The following PIWIL3 variants were observed in gnomAD, a reference collection of about 807,000 sequenced individuals.
The protein encoded by PIWIL3 is piwi-like protein 3.
Under a neutral mutation model 109.7 loss-of-function variants are expected in PIWIL3, and 101 were observed. That is an observed-to-expected ratio of 0.92 (90% CI 0.78 to 1.09). The LOEUF (loss-of-function observed/expected upper bound fraction) is 1.09. PIWIL3 is among the 50% of genes least tolerant of loss of function. The pLI is 0.00. For synonymous variants in PIWIL3, 373 were observed against 376.4 expected (o/e 0.99, Z 0.10); for missense variants, 1,031 against 1,072.6 (o/e 0.96, Z 0.54).
intron 12 of PIWIL3, among the ~76,000 whole-genome samples, chr22:24,739,477 A>G (rs1045760488): frequency 1.3e-5 from 2 of 152,190 alleles, no homozygotes; most frequent in Non-Finnish European, 2.9e-5. Flanking sequence ...TGGAGCTCCA[A>G]TACATCTGGC....
Position 24,774,452 on chromosome 22 carries a change from G to A in PIWIL3, c.-153C>T, listed in dbSNP as rs1926307789. 1 of 152,240 alleles carries A rather than the reference G, an allele frequency of 6.6e-6. No homozygotes were observed. The allele number at this position is 152,240 out of a possible 1,614,324, so 9.4% of individuals were successfully genotyped here. ...ATAATTCAGGACAAGCCACTGGAGG[G>A]GGTCACACCACCTGACACCTCCCAG... On this transcript the variant is annotated 5_prime_UTR_variant, in exon 1 of 21. Transcript: ENST00000616349.
Position 24,754,144 on chromosome 22 carries a change from C to T in PIWIL3, c.847G>A (p.Asp283Asn), listed in dbSNP as rs548864243. ...QYENSITLCA[D>N]VSHKLLRIET... ...ATTCGGAGCAGTTTGTGGCTCACAT[C>T]GGCACAGAGGGTAATGCTGTTTTCG... The change falls in exon 8 of 21, where the codon GAT (aspartate) becomes AAT (asparagine). Residue 283 changes from aspartate to asparagine, a missense_variant. By Grantham distance (23) the Asp-to-Asn change is conservative. Coordinates refer to ENST00000616349, the MANE Select transcript of PIWIL3 (RefSeq NM_001255975.1). 44 of 1,614,006 alleles carry T rather than the reference C, an allele frequency of 2.7e-5. No individual in the cohort carries two copies. The East Asian group carries it at 6.2e-4, about 23-fold the overall frequency.
chr22:24,740,694 C>T (rs1923955438), intron 12 of PIWIL3, among the ~76,000 whole-genome samples: 1 of 151,682 alleles, frequency 6.6e-6, no homozygotes, highest in Admixed American at 6.6e-5. Context: ...CGGAAATATA[C>T]AACCCTCCTA....
At chr22:24,741,558 C>T (rs1279003009) in intron 12 of PIWIL3, among the ~76,000 whole-genome samples, 2 of 152,046 alleles carry the variant, frequency 1.3e-5, no homozygotes, top group Non-Finnish European at 2.9e-5. Context: ...AAACAAACCA[C>T]CTCAGCAAAA....
rs147428373 is a variant in PIWIL3 at position 24,754,180 on chromosome 22, C to G, written c.811G>C (p.Val271Leu). Residue 271 changes from valine to leucine, a missense_variant, in exon 8 of 21, where the codon GTT becomes CTT. Transcript: ENST00000616349. Reference protein sequence around the residue: ...LEIWLGYVTSVLQYENSITLC... With the variant: ...LEIWLGYVTSLLQYENSITLC... ...GTAATGCTGTTTTCGTATTGAAGAA[C>G]AGAAGTAACATAACCAAGCCAGATT... is the stretch of plus-strand genomic sequence containing the variant. 6.2e-7 allele frequency: 1 copy of G among 1,614,008 alleles called. No individual in the cohort carries two copies. The highest frequency in any genetic ancestry group is 8.5e-7 in the Non-Finnish European group (1 of 1,179,950).
rs1171753782 is a variant in PIWIL3, at chr22:24,762,523, T to C, written c.-22-2A>G. 1.2e-6 allele frequency: 2 copies of C among 1,601,336 alleles called. No individual in the cohort carries two copies. Among genetic ancestry groups the C allele is most frequent in the Non-Finnish European group, 8.5e-7 (1 of 1,175,400 alleles). ...ATTGTGGTCCTGAAGGTGATGACCC[T>C]GAAGAATACAGTTATATTAGACATC... On this transcript the variant is annotated splice_acceptor_variant, in intron 1 of 20. Transcript: ENST00000616349. LOFTEE classifies it low-confidence loss of function (5UTR_SPLICE).
intron 8 of PIWIL3, among the ~76,000 whole-genome samples, chr22:24,752,932 G>A (rs974762248): frequency 6.6e-5 from 10 of 152,160 alleles, no homozygotes; most frequent in African/African-American, 2.4e-4. Context: ...GATGTTAAAC[G>A]TTTTCACGCA....
chr22:24,726,006 G>A (rs756511186), intron 16 of PIWIL3, among the ~76,000 whole-genome samples: 4 of 152,112 alleles, frequency 2.6e-5, no homozygotes, highest in Non-Finnish European at 5.9e-5. Context: ...TTACTTCACA[G>A]TAACCCCATC....
chr22:24,751,836 G>A (rs989608433), intron 8 of PIWIL3, among the ~76,000 whole-genome samples: 3 of 152,212 alleles, frequency 2.0e-5, no homozygotes, highest in South Asian at 2.1e-4. Context: ...GTCATGCAAC[G>A]TGTGCTCTTT....
intron 12 of PIWIL3, among the ~76,000 whole-genome samples, chr22:24,743,245 G>A (rs1924114168): frequency 6.6e-6 from 1 of 152,102 alleles, no homozygotes; most frequent in Non-Finnish European, 1.5e-5. Flanking sequence ...TTATACAGCT[G>A]GTGGGAATGT....
intron 12 of PIWIL3, among the ~76,000 whole-genome samples, chr22:24,746,275 T>C (rs528631796): frequency 1.3e-5 from 2 of 152,326 alleles, no homozygotes; most frequent in East Asian, 3.9e-4. Flanking sequence ...GATGGTTCTA[T>C]GTAGGCAAAT....
At chr22:24,728,988 A>G (rs921165391) in intron 14 of PIWIL3, among the ~76,000 whole-genome samples, 1 of 152,218 alleles carries the variant, frequency 6.6e-6, no homozygotes, top group African/African-American at 2.4e-5. Flanking sequence ...AGCTGCACAG[A>G]TAAGGGAGCA....
chr22:24,751,817 G>A (rs1415537149), intron 8 of PIWIL3, among the ~76,000 whole-genome samples: 2 of 152,142 alleles, frequency 1.3e-5, no homozygotes, highest in African/African-American at 2.4e-5. Context: ...TTCATTTCAC[G>A]TAAACTGAGT....
At chr22:24,743,934 G>T (rs896391388) in intron 12 of PIWIL3, among the ~76,000 whole-genome samples, 3 of 151,660 alleles carry the variant, frequency 2.0e-5, no homozygotes, top group African/African-American at 7.3e-5. Flanking sequence ...TAAAAGAAGG[G>T]GTTATAAGAC....
intron 16 of PIWIL3, among the ~76,000 whole-genome samples, chr22:24,726,521 G>T (rs1242589638): frequency 1.3e-5 from 2 of 152,148 alleles, no homozygotes; most frequent in African/African-American, 2.4e-5. Flanking sequence ...TCCTGACCTT[G>T]TGATCTGCCC....
At chr22:24,744,987 AAAG>A (rs2147685565) in intron 12 of PIWIL3, among the ~76,000 whole-genome samples, 1 of 152,330 alleles carries the variant, frequency 6.6e-6, no homozygotes, top group Admixed American at 6.5e-5. Flanking sequence ...TTAGGTTACA[AAAG>A]AAGTCTTAAA....
At chr22:24,770,429 C>T (rs28496074) in intron 1 of PIWIL3, among the ~76,000 whole-genome samples, 2,173 of 152,064 alleles carry the variant, frequency 0.014, 38 homozygotes, top group African/African-American at 0.049. Context: ...GTATTTGAAA[C>T]CCTTTTTTTC....
At position 24,755,911 on chromosome 22, in the gene PIWIL3, A is replaced by AT. The variant is rs1220057691; in HGVS notation, c.571-7dup. 2.5e-6 allele frequency: 4 copies of AT among 1,586,204 alleles called. No individual in the cohort carries two copies. The highest frequency in any genetic ancestry group is 1.7e-6 in the Non-Finnish European group (2 of 1,170,530). On this transcript the variant is annotated splice_region_variant and splice_polypyrimidine_tract_variant and intron_variant, in intron 5 of 20. Coordinates refer to ENST00000616349, the MANE Select transcript of PIWIL3 (RefSeq NM_001255975.1). ...GTGCTCAACCATTCCACTCTCTGAG[A>AT]TTAAAAAAAAACAAAAAAAAAAGTC...
chr22:24,753,336 TGAGG>T (rs1924820812), intron 8 of PIWIL3, among the ~76,000 whole-genome samples: 1 of 152,234 alleles, frequency 6.6e-6, no homozygotes, highest in African/African-American at 2.4e-5. Flanking sequence ...GTGAATTGCA[TGAGG>T]AAGAAGCAGG....
Sources: gnomAD v4.1 joint callset for allele counts (sites outside exome capture counted in the v4.1 genomes callset) on GRCh38, gnomAD v4.1.1 for gene constraint, MANE v1.5 for transcripts, NCBI Gene and HGNC (gene_info 2026-07-23, HGNC 2026-07-21) for gene names.